MME: variants seen among roughly 807,000 people sequenced by gnomAD.
MME encodes neprilysin.
A neutral mutation model predicts 113.2 loss-of-function variants in MME; 98 were observed. The ratio of observed to expected loss-of-function variants is 0.87; its 90% CI spans 0.74 to 1.02. The LOEUF is 1.02. MME is among the 50% of genes least tolerant of loss of function. The pLI, the probability that MME is intolerant of heterozygous loss-of-function variation, is 0.00. For synonymous variants in MME, 292 were observed against 300.6 expected (o/e 0.97, Z 0.30); for missense variants, 836 against 896.0 (o/e 0.93, Z 0.86).
chr3:155,042,346 A>AT lies in MME; in HGVS notation c.-11+18022_-11+18023insT, dbSNP rs1713349892. Among the ~76,000 whole-genome samples the AT allele has an allele frequency of 1.9e-4, 29 of 152,336 alleles. No homozygotes were observed. The South Asian group carries it at 4.6e-3, about 24-fold the overall frequency. On this transcript the variant is annotated intron_variant, in intron 1 of 22. Coordinates refer to the MME transcript ENST00000492661. ...TATGGACCCACAATTTAACAAAACC[A>AT]GTAAGACAGAAACATATAATGAAAA...
At chr3:155,080,733 A>G (rs187852676) in intron 1 of MME, among the ~76,000 whole-genome samples, 1 of 152,264 alleles carries the variant, frequency 6.6e-6, no homozygotes, top group East Asian at 1.9e-4. Flanking sequence ...GCAACCAAAT[A>G]TCCCTCTTTA....
chr3:155,048,936 C>G (rs1713656574), intron 1 of MME, among the ~76,000 whole-genome samples: 1 of 152,094 alleles, frequency 6.6e-6, no homozygotes, highest in Non-Finnish European at 1.5e-5. Context: ...GTTATTATCT[C>G]AAACCTTCCC....
chr3:155,172,233 G>A (rs1278131781), intron 21 of MME, 21 bp downstream of exon 21: 2 of 1,492,770 alleles, frequency 1.3e-6, no homozygotes, highest in African/African-American at 1.4e-5. Context: ...TTTCTTGATT[G>A]ATAGATATGA....
chr3:155,154,093 T>A (rs1722143111), intron 16 of MME, among the ~76,000 whole-genome samples: 1 of 152,170 alleles, frequency 6.6e-6, no homozygotes, highest in Non-Finnish European at 1.5e-5. Flanking sequence ...TATGTCAGCA[T>A]TTAAATTAAT....
chr3:155,107,811 T>C (rs1717815412), intron 3 of MME, among the ~76,000 whole-genome samples: 1 of 152,220 alleles, frequency 6.6e-6, no homozygotes, highest in South Asian at 2.1e-4. Flanking sequence ...AGGATCCTTT[T>C]TGTAGTCCAT....
chr3:155,027,287 T>G (rs1712819187), intron 1 of MME, among the ~76,000 whole-genome samples: 1 of 143,866 alleles, frequency 7.0e-6, no homozygotes, highest in Admixed American at 6.8e-5. Context: ...TACGTAACAC[T>G]TCCCTCATCT....
chr3:155,095,564 G>T (rs1298572446), intron 3 of MME, among the ~76,000 whole-genome samples: 1 of 150,876 alleles, frequency 6.6e-6, no homozygotes, highest in Non-Finnish European at 1.5e-5. Flanking sequence ...ATTTTTTTTA[G>T]AGGCAGGGTC....
intron 3 of MME, among the ~76,000 whole-genome samples, chr3:155,093,592 T>C (rs1371346258): frequency 1.3e-5 from 2 of 152,134 alleles, no homozygotes; most frequent in Non-Finnish European, 2.9e-5. Flanking sequence ...GCGTTTTGGC[T>C]CACGTCTATA....
intron 1 of MME, among the ~76,000 whole-genome samples, chr3:155,065,385 A>G (rs1266227301): frequency 1.3e-5 from 2 of 152,184 alleles, no homozygotes; most frequent in Admixed American, 6.5e-5. Context: ...ATATGTGTGT[A>G]CTTAGAAAAT....
chr3:155,156,998 C>T (rs1015413102), intron 16 of MME, among the ~76,000 whole-genome samples: 3 of 152,004 alleles, frequency 2.0e-5, no homozygotes, highest in African/African-American at 7.2e-5. Flanking sequence ...ATTATTTCTG[C>T]ACACTTTCAT....
At chr3:155,129,888 A>G (rs1358473367) in intron 8 of MME, among the ~76,000 whole-genome samples, 1 of 152,228 alleles carries the variant, frequency 6.6e-6, no homozygotes, top group Admixed American at 6.5e-5. Context: ...GAAACCAACC[A>G]GCAACCTCAT....
rs1190163112 is a variant in MME, at chr3:155,116,750, CA to C, written c.531del (p.Lys177AsnfsTer15). The C allele has an allele frequency of 1.2e-6, 2 of 1,612,852 alleles. No homozygotes were observed. The highest frequency in any genetic ancestry group is 1.3e-5 in the African/African-American group (1 of 74,776). On this transcript the variant is annotated frameshift_variant, in exon 6 of 23. Transcript: ENST00000360490. LOFTEE classifies it high-confidence loss of function. ...GWPVATENWE[Q>X]KYGASWTAEK... is the part of the protein sequence containing the mutation. ...GCCAGTAGCAACAGAAAACTGGGAG[CA>C]AAAATATGGTAAGGCAATTTTCCTA...
intron 1 of MME, among the ~76,000 whole-genome samples, chr3:155,058,734 A>C (rs1034590110): frequency 1.3e-5 from 2 of 152,350 alleles, no homozygotes; most frequent in East Asian, 3.9e-4. Context: ...AGGATTGAAA[A>C]CTAAAGCTCC....
intron 1 of MME, among the ~76,000 whole-genome samples, chr3:155,069,118 T>C (rs1367183623): frequency 6.6e-6 from 1 of 152,166 alleles, no homozygotes; most frequent in Non-Finnish European, 1.5e-5. Flanking sequence ...GGGGGGAATA[T>C]GTTGGACTAA....
chr3:155,033,016 T>C (rs73874452), intron 1 of MME, among the ~76,000 whole-genome samples: 3,266 of 152,294 alleles, frequency 0.021, 114 homozygotes, highest in African/African-American at 0.069. Context: ...GTAACTGTCA[T>C]GGAATCTTGT....
intron 1 of MME, among the ~76,000 whole-genome samples, chr3:155,054,793 G>C (rs1713872647): frequency 6.6e-6 from 1 of 152,108 alleles, no homozygotes; most frequent in African/African-American, 2.4e-5. Flanking sequence ...CTCTTGCCTG[G>C]GCAACAAGAG....
intron 1 of MME, among the ~76,000 whole-genome samples, chr3:155,054,394 C>G (rs1340115732): frequency 6.6e-6 from 1 of 152,130 alleles, no homozygotes. Flanking sequence ...ATTCTTCACA[C>G]CTTCAATATG....
At chr3:155,091,351 A>G (rs1322952394) in intron 3 of MME, among the ~76,000 whole-genome samples, 1 of 152,220 alleles carries the variant, frequency 6.6e-6, no homozygotes. Context: ...TTTACCCTCC[A>G]GGGAAACTTT....
At chr3:155,030,562 C>T (rs1478547727) in intron 1 of MME, among the ~76,000 whole-genome samples, 6 of 152,088 alleles carry the variant, frequency 3.9e-5, no homozygotes, top group Admixed American at 1.3e-4. Context: ...TTTATAAACA[C>T]TTTATCCAGC....
Sources: gnomAD v4.1 joint callset for allele counts (sites outside exome capture counted in the v4.1 genomes callset) on GRCh38, gnomAD v4.1.1 for gene constraint, MANE v1.5 for transcripts, NCBI Gene and HGNC (gene_info 2026-07-23, HGNC 2026-07-21) for gene names.